Variants in EMID1 observed in about 807,000 individuals in gnomAD.
The protein encoded by EMID1 is EMI domain-containing protein 1.
A neutral mutation model predicts 60.6 loss-of-function variants in EMID1; 40 were observed. The ratio of observed to expected loss-of-function variants is 0.66; its 90% CI spans 0.51 to 0.86. The LOEUF (loss-of-function observed/expected upper bound fraction) is 0.86. Ranked by LOEUF, EMID1 falls within the 40% of genes least tolerant of loss-of-function variation. The pLI, the probability that EMID1 is intolerant of heterozygous loss-of-function variation, is 0.00. For missense variants in EMID1, 585 were observed against 597.1 expected, an observed-to-expected ratio of 0.98 and a Z score of 0.21; for synonymous variants, 242 against 231.0, an observed-to-expected ratio of 1.05 and a Z score of -0.43.
chr22:29,245,438 C>A (rs1347883398), intron 13 of EMID1, among the ~76,000 whole-genome samples: 13 of 152,214 alleles, frequency 8.5e-5, no homozygotes, highest in African/African-American at 3.1e-4. Flanking sequence ...CCAGAACCAC[C>A]TGTGGGCTCC....
intron 14 of EMID1, among the ~76,000 whole-genome samples, chr22:29,256,463 C>G (rs1032645720): frequency 5.7e-5 from 3 of 52,774 alleles, no homozygotes; most frequent in Non-Finnish European, 8.7e-5. Context: ...GACTCCATCT[C>G]AAAAAAAAAA....
intron 3 of EMID1, among the ~76,000 whole-genome samples, chr22:29,224,276 G>T (rs1459158432): frequency 6.6e-6 from 1 of 152,240 alleles, no homozygotes; most frequent in Admixed American, 6.5e-5. Flanking sequence ...TTTGGGTCTT[G>T]TCTCCTCCCA....
Position 29,231,162 on chromosome 22 carries a change from C to G in EMID1, c.586+22C>G, listed in dbSNP as rs199549796. 480 of 1,576,772 alleles carry G rather than the reference C, an allele frequency of 3.0e-4. 4 individuals are homozygous for G. The African/African-American group carries it at 3.7e-3, about 12-fold the overall frequency. Reference sequence around the variant, plus strand: ...CAGGGTGAGTGTCAGACTCAGACTCCCCTGTGGGAATGAGCAGTGGGTTGG... The same window carrying G: ...CAGGGTGAGTGTCAGACTCAGACTCGCCTGTGGGAATGAGCAGTGGGTTGG... On this transcript the variant is annotated intron_variant, in intron 6 of 14. Transcript: ENST00000334018.
chr22:29,206,735 G>T (rs947764760), intron 1 of EMID1, among the ~76,000 whole-genome samples: 1 of 152,094 alleles, frequency 6.6e-6, no homozygotes, highest in Non-Finnish European at 1.5e-5. Flanking sequence ...TTACGGAGGA[G>T]CTCCCAGAAC....
Position 29,225,209 on chromosome 22 carries a change from C to T in EMID1, c.396C>T (p.Ala132=). ...GGCGGATGGCGCTTCGGCCCACAGC[C>T]TTCTCAGGTGGGTCCTGGGATAGCT... ...TMRRMALRPT[A]FSGCLNCSKV... Residue 132 remains alanine (A), a synonymous_variant, in exon 4 of 15, where the codon GCC becomes GCT. Coordinates refer to ENST00000334018, the MANE Select transcript of EMID1 (RefSeq NM_133455.4). The T allele has an allele frequency of 6.2e-7, 1 of 1,613,744 alleles. No individual in the cohort carries two copies. The highest frequency in any genetic ancestry group is 1.1e-5 in the South Asian group (1 of 91,084).
chr22:29,232,384 G>T lies in EMID1; in HGVS notation c.805G>T (p.Ala269Ser). Residue 269 changes from alanine (A) to serine (S), a missense_variant, in exon 8 of 15, where the codon GCC becomes TCC. Coordinates refer to ENST00000334018, the MANE Select transcript of EMID1 (RefSeq NM_133455.4). ...CCCAGCCCCTGTTGGGCCACCCCAT[G>T]CCCGGATCTCCCAGCATGGTGAGTC... ...GPPAPVGPPH[A>S]RISQHGDPLL... 6.3e-7 allele frequency: 1 copy of T among 1,588,806 alleles called. No homozygotes were observed. Among genetic ancestry groups the T allele is most frequent in the Non-Finnish European group, 8.5e-7 (1 of 1,170,156 alleles).
At chr22:29,211,207 T>G (rs2039868910) in intron 1 of EMID1, among the ~76,000 whole-genome samples, 1 of 152,192 alleles carries the variant, frequency 6.6e-6, no homozygotes, top group South Asian at 2.1e-4. Context: ...TATGTCCATG[T>G]GACAGAGCCG....
rs1296235364 is a variant in EMID1 at position 29,215,001 on chromosome 22, G to A, written c.177G>A (p.Leu59=). The change falls in exon 2 of 15, where the codon CTG becomes CTA. Residue 59 remains leucine, a synonymous_variant. Transcript: ENST00000334018. ...ATGGCACCTACCTTCAGCGAGTGCT[G>A]CAGAACTGCCCCTGGCCCATGAGCT... is the stretch of plus-strand genomic sequence containing the variant. The part of the protein sequence containing the change: ...VQNGTYLQRV[L]QNCPWPMSCP... The A allele has an allele frequency of 6.4e-7, 1 of 1,552,446 alleles. No individual in the cohort carries two copies. Among genetic ancestry groups the A allele is most frequent in the Admixed American group, 1.9e-5 (1 of 51,358 alleles).
chr22:29,224,086 G>T (rs1218353188), intron 3 of EMID1, among the ~76,000 whole-genome samples: 1 of 152,264 alleles, frequency 6.6e-6, no homozygotes, highest in Non-Finnish European at 1.5e-5. Context: ...GGCCCTTGAG[G>T]AGGGTATGCT....
chr22:29,239,710 G>C (rs1159091954), intron 12 of EMID1, among the ~76,000 whole-genome samples: 1 of 151,954 alleles, frequency 6.6e-6, no homozygotes, highest in Non-Finnish European at 1.5e-5. Context: ...AATGTAGTGA[G>C]AAGGTATTGG....
chr22:29,241,886 T>C (rs189940261), intron 12 of EMID1, among the ~76,000 whole-genome samples: 227 of 152,214 alleles, frequency 1.5e-3, no homozygotes, highest in African/African-American at 5.2e-3. Context: ...TTTTAAACAA[T>C]CTTTGTCTCT....
At position 29,232,265 on chromosome 22, in the gene EMID1, G is replaced by A. The variant is rs1601973196; in HGVS notation, c.686G>A (p.Gly229Asp). Residue 229 changes from glycine to aspartate, a missense_variant, in exon 8 of 15, where the codon GGC (glycine) becomes GAC (aspartate). By Grantham distance (94) the Gly-to-Asp change is moderately conservative. Transcript: ENST00000334018. Reference protein sequence around the residue: ...MGMRGPPGPQGPPGSPGRAGA... With the variant: ...MGMRGPPGPQDPPGSPGRAGA... ...TGTGATTCCATTGCAGGTCCACAGGGCCCCCCAGGGAGCCCTGGCCGGGCT... is the reference window on the plus strand; with the variant it reads ...TGTGATTCCATTGCAGGTCCACAGGACCCCCCAGGGAGCCCTGGCCGGGCT... 9.9e-6 allele frequency: 16 copies of A among 1,611,536 alleles called. No individual in the cohort carries two copies. The East Asian group carries it at 3.3e-4, about 34-fold the overall frequency.
chr22:29,233,635 C>G lies in EMID1; in HGVS notation c.935C>G (p.Pro312Arg). 6.2e-7 allele frequency: 1 copy of G among 1,613,998 alleles called. No individual in the cohort carries two copies. The highest frequency in any genetic ancestry group is 1.6e-4 in the Middle Eastern group (1 of 6,062). Residue 312 changes from proline to arginine, a missense_variant, in exon 10 of 15, where the codon CCC becomes CGC. By Grantham distance (103) the Pro-to-Arg change is moderately radical. Coordinates refer to ENST00000334018, the MANE Select transcript of EMID1 (RefSeq NM_133455.4). Reference protein sequence around the residue: ...GPMGPPGPPGPTGVPGSPGHI... With the variant: ...GPMGPPGPPGRTGVPGSPGHI... ...CCAGGTCCCCCTGGGCCTCCTGGCC[C>G]CACAGGTGTCCCTGGGAGTCCTGGT...
Position 29,231,052 on chromosome 22 carries a change from A to C in EMID1, c.498A>C (p.Val166=), listed in dbSNP as rs778794991. 5.6e-6 allele frequency: 9 copies of C among 1,613,746 alleles called. No homozygotes were observed. The highest frequency in any genetic ancestry group is 7.6e-6 in the Non-Finnish European group (9 of 1,179,894). Residue 166 remains valine, a synonymous_variant, in exon 6 of 15, where the codon GTA becomes GTC. Coordinates refer to ENST00000334018, the MANE Select transcript of EMID1 (RefSeq NM_133455.4). The part of the protein sequence containing the change: ...MTMLTVIEQP[V]PPTPATPEDP... ...TGCTGACTGTCATAGAGCAGCCAGT[A>C]CCTCCAACACCAGCTACCCCTGAGG...
rs1325244758 is a variant in EMID1, at chr22:29,214,974, G to A, written c.150G>A (p.Gln50=). 2 of 1,553,710 alleles carry A rather than the reference G, an allele frequency of 1.3e-6. No homozygotes were observed. Among genetic ancestry groups the A allele is most frequent in the Non-Finnish European group, 1.7e-6 (2 of 1,147,384 alleles). The change falls in exon 2 of 15, where the codon CAG becomes CAA. Residue 50 remains glutamine (Q), a synonymous_variant. Coordinates refer to ENST00000334018, the MANE Select transcript of EMID1 (RefSeq NM_133455.4). ...CCCGCACCATCTCATGCCATGTGCA[G>A]AATGGCACCTACCTTCAGCGAGTGC... ...VVTRTISCHV[Q]NGTYLQRVLQ...
chr22:29,227,261 T>C (rs1394838772), intron 5 of EMID1, among the ~76,000 whole-genome samples: 1 of 152,008 alleles, frequency 6.6e-6, no homozygotes, highest in Non-Finnish European at 1.5e-5. Context: ...CAGCTAATTT[T>C]TAAATTTTTG....
chr22:29,246,660 G>A (rs1427380409), intron 13 of EMID1, among the ~76,000 whole-genome samples: 2 of 152,184 alleles, frequency 1.3e-5, no homozygotes, highest in Non-Finnish European at 2.9e-5. Context: ...GCCAAGTAGG[G>A]TTGTCCAGCA....
rs539275788 is a variant in EMID1 at position 29,256,766 on chromosome 22, G to A, written c.1205-2051G>A. On this transcript the variant is annotated intron_variant, in intron 14 of 14. Transcript: ENST00000334018. ...CTTGGAAGAGGGGACTCTGCGTTGC[G>A]TCCTGGAAGATCCCAATGAGTGTGC... Among the ~76,000 whole-genome samples the A allele has an allele frequency of 6.6e-4, 101 of 152,270 alleles. 1 individual carries two copies. Among genetic ancestry groups the A allele is most frequent in the African/African-American group, 1.9e-3 (79 of 41,558 alleles).
In EMID1 at chr22:29,232,313, A is replaced by G; in HGVS notation, c.734A>G (p.Glu245Gly). 6.2e-7 allele frequency: 1 copy of G among 1,610,680 alleles called. No homozygotes were observed. Among genetic ancestry groups the G allele is most frequent in the Admixed American group, 1.7e-5 (1 of 59,944 alleles). The change falls in exon 8 of 15, where the codon GAG becomes GGG. Residue 245 changes from glutamate (E) to glycine (G), a missense_variant. Transcript: ENST00000334018. ...GRAGAVGTPG[E>G]RGPPGPPGPP... ...GCTGGAGCTGTGGGCACCCCTGGAG[A>G]GAGGGGACCTCCTGGGCCACCAGGG...
Sources: gnomAD v4.1 joint callset for allele counts (sites outside exome capture counted in the v4.1 genomes callset) on GRCh38, gnomAD v4.1.1 for gene constraint, MANE v1.5 for transcripts, NCBI Gene and HGNC (gene_info 2026-07-23, HGNC 2026-07-21) for gene names.